The following ANKS1B variants were observed in gnomAD, a reference collection of about 807,000 sequenced individuals.
ANKS1B encodes the protein ankyrin repeat and sterile alpha motif domain containing 1B.
ANKS1B carries 36 observed loss-of-function variants against 148.3 expected under a neutral mutation model. The ratio of observed to expected loss-of-function variants is 0.24; its 90% CI spans 0.19 to 0.32. ANKS1B has a LOEUF of 0.32. Ranked by LOEUF, ANKS1B falls within the 10% of genes least tolerant of loss-of-function variation. The pLI is 1.00. For synonymous variants in ANKS1B, 542 were observed against 560.8 expected, an observed-to-expected ratio of 0.97 and a Z score of 0.47; for missense variants, 1,157 against 1,542.6, an observed-to-expected ratio of 0.75 and a Z score of 4.19.
At chr12:98,810,524 G>A (rs1018904601) in intron 19 of ANKS1B, among the ~76,000 whole-genome samples, 11 of 152,120 alleles carry the variant, frequency 7.2e-5, no homozygotes, top group Non-Finnish European at 1.3e-4. Flanking sequence ...CCCAGCCTGC[G>A]GGATGGCCAT....
chr12:99,185,950 G>A (rs1376311653), intron 14 of ANKS1B, among the ~76,000 whole-genome samples: 2 of 152,118 alleles, frequency 1.3e-5, no homozygotes, highest in African/African-American at 2.4e-5. Flanking sequence ...CTAGCTCAGT[G>A]GATCCCACCC....
At chr12:99,285,883 G>A (rs1052940530) in intron 12 of ANKS1B, among the ~76,000 whole-genome samples, 5 of 152,208 alleles carry the variant, frequency 3.3e-5, no homozygotes, top group Admixed American at 1.3e-4. Context: ...CTTAGCCAGA[G>A]GGGAATCACC....
At chr12:99,631,790 TA>T (rs1236946384) in intron 9 of ANKS1B, among the ~76,000 whole-genome samples, 1 of 152,062 alleles carries the variant, frequency 6.6e-6, no homozygotes, top group Non-Finnish European at 1.5e-5. Flanking sequence ...AATAATAACT[TA>T]AAGAAAGAAT....
intron 17 of ANKS1B, among the ~76,000 whole-genome samples, chr12:98,855,165 CAAAAAA>C (rs60609011): frequency 1.2e-5 from 1 of 86,708 alleles, no homozygotes; most frequent in Non-Finnish European, 2.6e-5. Context: ...GACTCCGTCT[CAAAAAA>C]AAAAAAAAAA....
chr12:99,429,077 T>A (rs2095316997), intron 11 of ANKS1B, among the ~76,000 whole-genome samples: 1 of 152,172 alleles, frequency 6.6e-6, no homozygotes, highest in Non-Finnish European at 1.5e-5. Context: ...GAACGTTTTG[T>A]GAGGAATGGG....
At chr12:98,850,760 C>T (rs1258841308) in intron 17 of ANKS1B, among the ~76,000 whole-genome samples, 4 of 147,700 alleles carry the variant, frequency 2.7e-5, no homozygotes, top group African/African-American at 1.0e-4. Context: ...AGCCACCGCA[C>T]CCGGCCCAGA....
At chr12:99,971,739 C>T (rs1312440903) in intron 1 of ANKS1B, among the ~76,000 whole-genome samples, 4 of 152,110 alleles carry the variant, frequency 2.6e-5, no homozygotes, top group African/African-American at 4.8e-5. Context: ...AGCCAACTTG[C>T]AACACAATTT....
intron 16 of ANKS1B, among the ~76,000 whole-genome samples, chr12:99,075,846 T>C (rs1216813903): frequency 6.7e-6 from 1 of 148,398 alleles, no homozygotes; most frequent in East Asian, 1.9e-4. Context: ...ATATATGTTT[T>C]ATATTATATA....
At position 99,742,483 on chromosome 12, in the gene ANKS1B, A is replaced by G. The variant is rs1490729785; in HGVS notation, c.1128+30439T>C. 3.3e-5 allele frequency among the ~76,000 whole-genome samples: 5 copies of G among 152,300 alleles called. No individual in the cohort carries two copies. In the East Asian group the frequency reaches 5.8e-4, roughly 18 times the overall value. ...AGATGCAAAATTTTTAAATCTAAGT[A>G]TGTCACTGTTTATTAAAGTAGTAAA... On this transcript the variant is annotated intron_variant, in intron 8 of 26. Coordinates refer to ENST00000683438, the MANE Select transcript of ANKS1B (RefSeq NM_001352186.2).
In ANKS1B at chr12:99,413,895, A is replaced by C. The variant is rs1163370297; in HGVS notation, c.1576-14084T>G. Among the ~76,000 whole-genome samples, 3 of 152,242 alleles carry C rather than the reference A, an allele frequency of 2.0e-5. No homozygotes were observed. In the East Asian group the frequency reaches 5.8e-4, roughly 30 times the overall value. Reference sequence around the variant, plus strand: ...TGTTCTCTTCCTCTCTGCCAGCTCCATAACAAGGGCCCTCACCCGGTGCAC... The same window carrying C: ...TGTTCTCTTCCTCTCTGCCAGCTCCCTAACAAGGGCCCTCACCCGGTGCAC... On this transcript the variant is annotated intron_variant, in intron 11 of 26. Transcript: ENST00000683438.
intron 14 of ANKS1B, among the ~76,000 whole-genome samples, chr12:99,199,523 G>C (rs1011324569): frequency 6.6e-6 from 1 of 151,826 alleles, no homozygotes; most frequent in Non-Finnish European, 1.5e-5. Context: ...TTACTCTACT[G>C]CCAATTCTCG....
At chr12:99,879,771 T>C (rs2092362531) in intron 1 of ANKS1B, among the ~76,000 whole-genome samples, 1 of 152,210 alleles carries the variant, frequency 6.6e-6, no homozygotes, top group Admixed American at 6.5e-5. Context: ...TTTTAAGTGA[T>C]TTCTAGTAAA....
intron 12 of ANKS1B, among the ~76,000 whole-genome samples, chr12:99,285,294 T>C (rs2078983010): frequency 6.6e-6 from 1 of 152,242 alleles, no homozygotes; most frequent in Admixed American, 6.5e-5. Context: ...TATTAATAGT[T>C]CATTCCTTTT....
At chr12:99,323,340 G>A (rs139247706) in intron 12 of ANKS1B, among the ~76,000 whole-genome samples, 5 of 152,200 alleles carry the variant, frequency 3.3e-5, no homozygotes, top group African/African-American at 1.2e-4. Flanking sequence ...TTTCTGCATG[G>A]CATTCATGCA....
chr12:98,992,820 A>G (rs1598156492), intron 17 of ANKS1B, among the ~76,000 whole-genome samples: 1 of 152,114 alleles, frequency 6.6e-6, no homozygotes, highest in East Asian at 1.9e-4. Context: ...CTACTTGCTA[A>G]CCTGCTTATG....
chr12:98,908,249 A>G (rs1379291009), intron 17 of ANKS1B, among the ~76,000 whole-genome samples: 2 of 152,210 alleles, frequency 1.3e-5, no homozygotes, highest in Non-Finnish European at 2.9e-5. Context: ...CAGGCCTTGC[A>G]AAATATATAG....
At position 99,514,115 on chromosome 12, in the gene ANKS1B, C is replaced by T. The variant is rs938234616; in HGVS notation, c.1273-9474G>A. Among the ~76,000 whole-genome samples the T allele has an allele frequency of 1.7e-4, 26 of 151,886 alleles. 1 individual carries two copies. Among genetic ancestry groups the T allele is most frequent in the African/African-American group, 4.4e-4 (18 of 41,354 alleles). On this transcript the variant is annotated intron_variant, in intron 9 of 26. Coordinates refer to ENST00000683438, the MANE Select transcript of ANKS1B (RefSeq NM_001352186.2). ...AAGTTCCTTGAGTAATAAGTTTAAA[C>T]GTAATCCCATTAGTTGATAAGATAA...
chr12:99,522,521 T>A (rs2096885122), intron 9 of ANKS1B, among the ~76,000 whole-genome samples: 1 of 152,184 alleles, frequency 6.6e-6, no homozygotes, highest in South Asian at 2.1e-4. Flanking sequence ...CGTTCATACG[T>A]TGTTTACACT....
chr12:99,824,505 A>C (rs2082921582), intron 2 of ANKS1B, among the ~76,000 whole-genome samples: 1 of 152,106 alleles, frequency 6.6e-6, no homozygotes, highest in Admixed American at 6.6e-5. Flanking sequence ...GTCTCAAAAA[A>C]AAAAAAAAAG....
Sources: allele counts gnomAD v4.1 joint callset (sites outside exome capture counted in the v4.1 genomes callset), GRCh38; gene constraint gnomAD v4.1.1; transcripts MANE v1.5; gene names NCBI Gene and HGNC (gene_info 2026-07-23, HGNC 2026-07-21).